The following GRAMD2B variants were observed in gnomAD, a reference collection of about 807,000 sequenced individuals.
GRAMD2B encodes GRAM domain-containing protein 2B.
In GRAMD2B, 41 loss-of-function variants were observed where a neutral mutation model predicts 59.2. The observed-to-expected ratio is 0.69, with a 90% CI of 0.54 to 0.90. GRAMD2B has a LOEUF of 0.90. Ranked by LOEUF, GRAMD2B falls within the 40% of genes least tolerant of loss-of-function variation. The pLI is 0.00. For missense variants in GRAMD2B, 424 were observed against 500.5 expected (o/e 0.85, Z 1.46); for synonymous variants, 161 against 182.7 (o/e 0.88, Z 0.96).
intron 13 of GRAMD2B, among the ~76,000 whole-genome samples, chr5:126,492,478 T>C: frequency 6.6e-6 from 1 of 152,046 alleles, no homozygotes; most frequent in East Asian, 1.9e-4. Context: ...CTCAACACTT[T>C]GGGAGGCTGA....
At chr5:126,414,378 C>T (rs529091523) in intron 1 of GRAMD2B, among the ~76,000 whole-genome samples, 1 of 152,248 alleles carries the variant, frequency 6.6e-6, no homozygotes, top group East Asian at 1.9e-4. Flanking sequence ...ATTTCCTCAA[C>T]TACTACTAAA....
intron 1 of GRAMD2B, among the ~76,000 whole-genome samples, chr5:126,431,182 CT>C (rs991241368): frequency 6.6e-6 from 1 of 150,708 alleles, no homozygotes; most frequent in African/African-American, 2.4e-5. Flanking sequence ...GATTAGTTTT[CT>C]TTTTTTTTAG....
chr5:126,452,434 G>A (rs1256352742), intron 1 of GRAMD2B, among the ~76,000 whole-genome samples: 3 of 152,080 alleles, frequency 2.0e-5, no homozygotes, highest in African/African-American at 7.2e-5. Flanking sequence ...CATAGCACCT[G>A]GTTTCCCTGA....
intron 1 of GRAMD2B, among the ~76,000 whole-genome samples, chr5:126,382,540 G>T (rs1168398552): frequency 2.0e-5 from 3 of 152,020 alleles, no homozygotes; most frequent in Non-Finnish European, 2.9e-5. Flanking sequence ...TCCAGAAGTT[G>T]TGATTGTTTT....
At chr5:126,451,200 A>G (rs1169722739) in intron 1 of GRAMD2B, among the ~76,000 whole-genome samples, 1 of 152,264 alleles carries the variant, frequency 6.6e-6, no homozygotes, top group Non-Finnish European at 1.5e-5. Context: ...AGTGAGCTCC[A>G]TAACTTGATC....
rs752380979 is a variant in GRAMD2B, at chr5:126,485,793, G to A, written c.1058+20G>A. The A allele has an allele frequency of 2.1e-6, 3 of 1,401,978 alleles. No homozygotes were observed. The highest frequency in any genetic ancestry group is 1.2e-5 in the South Asian group (1 of 84,250). The allele number at this position is 1,401,978 out of a possible 1,614,324, so 86.8% of individuals were successfully genotyped here. The stretch of plus-strand genomic sequence containing the variant: ...AATTGTGTAAGTACATGAATTTACT[G>A]TGAGTGACTAAGAAAATGATTCCAT... On this transcript the variant is annotated intron_variant, in intron 11 of 13. Coordinates refer to ENST00000285689, the MANE Select transcript of GRAMD2B (RefSeq NM_023927.4).
At chr5:126,478,170 C>T (rs1055269497) in intron 6 of GRAMD2B, among the ~76,000 whole-genome samples, 1 of 146,404 alleles carries the variant, frequency 6.8e-6, no homozygotes, top group Non-Finnish European at 1.5e-5. Flanking sequence ...GGAGGTCAGG[C>T]CTTTAATTCC....
intron 8 of GRAMD2B, among the ~76,000 whole-genome samples, chr5:126,481,214 AGAAAGAAAGAAAGAAAG>A (rs1771736657): frequency 4.0e-4 from 5 of 12,478 alleles, no homozygotes; most frequent in Admixed American, 2.1e-3. Context: ...AAAGAAAGAA[AGAAAGAAAGAAAGAAAG>A]AAAGAAAGAA....
intron 1 of GRAMD2B, among the ~76,000 whole-genome samples, chr5:126,439,105 C>T (rs998904654): frequency 3.9e-5 from 6 of 152,110 alleles, no homozygotes; most frequent in African/African-American, 1.4e-4. Flanking sequence ...GCCATTATTA[C>T]TGGATGCCAT....
At chr5:126,427,809 T>C (rs769836268) in intron 1 of GRAMD2B, among the ~76,000 whole-genome samples, 44 of 152,188 alleles carry the variant, frequency 2.9e-4, no homozygotes, top group Non-Finnish European at 5.6e-4. Flanking sequence ...TAAAGGCAAA[T>C]AATTGTTGGA....
chr5:126,485,713 A>G lies in GRAMD2B; in HGVS notation c.998A>G (p.His333Arg), dbSNP rs769034907. The G allele has an allele frequency of 3.7e-6, 6 of 1,612,796 alleles. No homozygotes were observed. In the Admixed American group the frequency reaches 1.0e-4, roughly 27 times the overall value. ...CTGTCAGAAACTGTTGGAATCTTAC[A>G]TAAAGTCAAGTCTCAGAAATGTCCG... ...QGLSETVGILHKVKSQKCPML... is the reference protein window; with the variant it reads ...QGLSETVGILRKVKSQKCPML... The change falls in exon 11 of 14, where the codon CAT becomes CGT. Residue 333 changes from histidine to arginine, a missense_variant. Coordinates refer to ENST00000285689, the MANE Select transcript of GRAMD2B (RefSeq NM_023927.4).
chr5:126,361,836 G>A (rs1361701766), intron 1 of GRAMD2B, among the ~76,000 whole-genome samples: 1 of 152,172 alleles, frequency 6.6e-6, no homozygotes, highest in Non-Finnish European at 1.5e-5. Flanking sequence ...TGTGGCTGTG[G>A]AGGAGTTGGT....
chr5:126,401,642 C>T (rs1757850992), intron 1 of GRAMD2B, among the ~76,000 whole-genome samples: 1 of 152,014 alleles, frequency 6.6e-6, no homozygotes, highest in Admixed American at 6.6e-5. Flanking sequence ...TTTGCAGGGC[C>T]TCTTAAATCT....
chr5:126,448,096 C>G (rs1764684082), intron 1 of GRAMD2B, among the ~76,000 whole-genome samples: 1 of 151,878 alleles, frequency 6.6e-6, no homozygotes, highest in Admixed American at 6.6e-5. Flanking sequence ...CCTCAAGTAA[C>G]CCACCCGCCT....
At chr5:126,372,314 G>A (rs577628137) in intron 1 of GRAMD2B, among the ~76,000 whole-genome samples, 11 of 152,020 alleles carry the variant, frequency 7.2e-5, no homozygotes, top group South Asian at 2.1e-4. Flanking sequence ...AAACTTTAAC[G>A]TAGCATTCAT....
intron 1 of GRAMD2B, among the ~76,000 whole-genome samples, chr5:126,417,351 A>T (rs577214891): frequency 6.6e-6 from 1 of 152,200 alleles, no homozygotes; most frequent in Non-Finnish European, 1.5e-5. Context: ...ATCCAACTGT[A>T]CTGAGATGGC....
At chr5:126,423,282 T>TC, upstream of GRAMD2B, 1 of 1,170,512 alleles carries the variant, frequency 8.5e-7, no homozygotes, top group South Asian at 2.6e-5. Context: ...TAGCTTCCTC[T>TC]CCCGAAAGAC....
chr5:126,411,515 A>G (rs962032908), intron 1 of GRAMD2B, among the ~76,000 whole-genome samples: 6 of 152,090 alleles, frequency 3.9e-5, no homozygotes, highest in Admixed American at 3.3e-4. Flanking sequence ...GCATTATAGT[A>G]TAGTTTGAAA....
At chr5:126,452,986 A>C (rs1765632615) in intron 1 of GRAMD2B, among the ~76,000 whole-genome samples, 1 of 152,234 alleles carries the variant, frequency 6.6e-6, no homozygotes, top group Admixed American at 6.5e-5. Flanking sequence ...TCAGAACAAA[A>C]AACCTTAATC....
Sources: allele counts gnomAD v4.1 joint callset (sites outside exome capture counted in the v4.1 genomes callset), GRCh38; gene constraint gnomAD v4.1.1; transcripts MANE v1.5; gene names NCBI Gene and HGNC (gene_info 2026-07-23, HGNC 2026-07-21).